ABCA10: variants seen among roughly 807,000 people sequenced by gnomAD.
The protein encoded by ABCA10 is ATP binding cassette subfamily A member 10, also known as ATP-binding cassette sub-family A member 10.
ABCA10 carries 169 observed loss-of-function variants against 187.5 expected under a neutral mutation model. The ratio of observed to expected loss-of-function variants is 0.90; its 90% CI spans 0.80 to 1.02. ABCA10 has a LOEUF of 1.02. Among genes scored for constraint, ABCA10 ranks in the 50% least tolerant of loss-of-function variants. The probability of loss-of-function intolerance (pLI) is 0.00; values close to 1 mark genes in which losing one functional copy is unlikely to be tolerated. For missense variants in ABCA10, 1,727 were observed against 1,812.4 expected, an observed-to-expected ratio of 0.95 and a Z score of 0.86; for synonymous variants, 574 against 601.8, an observed-to-expected ratio of 0.95 and a Z score of 0.68.
At chr17:69,196,208 C>T (rs1310812168) in intron 11 of ABCA10, 1 of 159,284 alleles carries the variant, frequency 6.3e-6, no homozygotes, top group African/African-American at 2.4e-5. Context: ...CCCCCCACCT[C>T]CTGGAGGGGG....
chr17:69,231,236 C>T (rs1437279603), upstream of ABCA10, among the ~76,000 whole-genome samples: 3 of 152,094 alleles, frequency 2.0e-5, no homozygotes, highest in Non-Finnish European at 2.9e-5. Context: ...GTTGTCATTA[C>T]GTGGCATTCT....
At chr17:69,198,102 T>C (rs1450406924) in intron 10 of ABCA10, among the ~76,000 whole-genome samples, 1 of 151,710 alleles carries the variant, frequency 6.6e-6, no homozygotes, top group Non-Finnish European at 1.5e-5. Context: ...TCTCTCTCCC[T>C]TTTTCACCCC....
At chr17:69,232,563 A>G (rs987366802), upstream of ABCA10, among the ~76,000 whole-genome samples, 1 of 152,132 alleles carries the variant, frequency 6.6e-6, no homozygotes, top group Non-Finnish European at 1.5e-5. Flanking sequence ...TAAATTTTAC[A>G]TTTTATATTG....
chr17:69,194,055 G>C, intron 12 of ABCA10, 66 bp from the exon 13 acceptor site: 1 of 1,404,386 alleles, frequency 7.1e-7, no homozygotes, highest in Non-Finnish European at 9.6e-7. Context: ...GATAATATAT[G>C]TTAGTATTTA....
chr17:69,174,141 C>A (rs2074315876), intron 25 of ABCA10, 140 bp downstream of exon 25: 4 of 530,424 alleles, frequency 7.5e-6, no homozygotes, highest in Non-Finnish European at 1.3e-5. Flanking sequence ...AAACATGGTA[C>A]AACAATAATG....
chr17:69,168,639 C>T (rs1005882325), intron 25 of ABCA10, among the ~76,000 whole-genome samples: 5 of 152,314 alleles, frequency 3.3e-5, no homozygotes, highest in East Asian at 1.9e-4. Flanking sequence ...GAAGATTACA[C>T]GGTTTGGCTC....
upstream of ABCA10, among the ~76,000 whole-genome samples, chr17:69,231,454 A>T (rs190911487): frequency 3.3e-5 from 5 of 152,216 alleles, no homozygotes; most frequent in Non-Finnish European, 7.4e-5. Context: ...CTTTGGTTCT[A>T]GTATATCATG....
At chr17:69,204,549 C>T (rs2074575653) in intron 9 of ABCA10, among the ~76,000 whole-genome samples, 1 of 152,172 alleles carries the variant, frequency 6.6e-6, no homozygotes, top group Admixed American at 6.5e-5. Flanking sequence ...CTCATGGAAC[C>T]TTGTGGTATC....
At chr17:69,180,547 T>G (rs2074372315) in intron 22 of ABCA10, among the ~76,000 whole-genome samples, 1 of 152,034 alleles carries the variant, frequency 6.6e-6, no homozygotes, top group Non-Finnish European at 1.5e-5. Context: ...AGTAAACAAT[T>G]AAGGGTAAAT....
At chr17:69,218,732 CTGTT>C (rs1568073212) in intron 6 of ABCA10, among the ~76,000 whole-genome samples, 2 of 152,168 alleles carry the variant, frequency 1.3e-5, no homozygotes, top group South Asian at 2.1e-4. Flanking sequence ...ACACCGAACA[CTGTT>C]TGTGCTGTGT....
At chr17:69,208,597 G>C (rs2074610944) in intron 9 of ABCA10, among the ~76,000 whole-genome samples, 1 of 151,962 alleles carries the variant, frequency 6.6e-6, no homozygotes, top group South Asian at 2.1e-4. Flanking sequence ...CTAGGTTCCT[G>C]GGCTTTGGGG....
chr17:69,218,553 TTG>T (rs1341607040), intron 6 of ABCA10, among the ~76,000 whole-genome samples: 2 of 152,104 alleles, frequency 1.3e-5, no homozygotes, highest in African/African-American at 4.8e-5. Context: ...ATTACTATAA[TTG>T]TATACTATCT....
intron 1 of ABCA10, among the ~76,000 whole-genome samples, chr17:69,239,108 C>G (rs2074889026): frequency 6.6e-6 from 1 of 152,024 alleles, no homozygotes; most frequent in African/African-American, 2.4e-5. Context: ...CTGATCTGTA[C>G]AGAGGTGATT....
At chr17:69,168,100 C>T (rs962939795) in intron 25 of ABCA10, among the ~76,000 whole-genome samples, 17 of 152,136 alleles carry the variant, frequency 1.1e-4, no homozygotes, top group Admixed American at 3.3e-4. Flanking sequence ...TTTCTTATGA[C>T]TTTCTTAATA....
chr17:69,218,013 C>A (rs1014928375), intron 6 of ABCA10, among the ~76,000 whole-genome samples: 2 of 152,114 alleles, frequency 1.3e-5, no homozygotes, highest in African/African-American at 4.8e-5. Flanking sequence ...AGGGAAGAAT[C>A]ATTCAGAAAT....
intron 10 of ABCA10, among the ~76,000 whole-genome samples, chr17:69,199,439 G>C (rs2074528166): frequency 6.6e-6 from 1 of 152,192 alleles, no homozygotes; most frequent in South Asian, 2.1e-4. Flanking sequence ...TGATCAAAGA[G>C]TTCCTGGTTT....
chr17:69,241,105 A>C (rs993702878), intron 1 of ABCA10, among the ~76,000 whole-genome samples: 1 of 152,316 alleles, frequency 6.6e-6, no homozygotes, highest in South Asian at 2.1e-4. Flanking sequence ...CCTCAAACCT[A>C]AACTTCCACG....
intron 19 of ABCA10, among the ~76,000 whole-genome samples, chr17:69,186,958 A>G (rs540569059): frequency 1.3e-5 from 2 of 152,316 alleles, no homozygotes; most frequent in South Asian, 4.1e-4. Context: ...ACAGGCTTCA[A>G]TAAAGATTTG....
chr17:69,189,773 T>C (rs2074446719), intron 18 of ABCA10, among the ~76,000 whole-genome samples: 1 of 152,156 alleles, frequency 6.6e-6, no homozygotes, highest in Admixed American at 6.5e-5. Context: ...ATTTATTGAA[T>C]AGGGAGTCAT....
Sources: allele counts gnomAD v4.1 joint callset (sites outside exome capture counted in the v4.1 genomes callset), GRCh38; gene constraint gnomAD v4.1.1; transcripts MANE v1.5; gene names NCBI Gene and HGNC (gene_info 2026-07-23, HGNC 2026-07-21).